Variants in NUBPL observed in about 807,000 individuals in gnomAD.
The protein encoded by NUBPL is NUBP iron-sulfur cluster assembly factor, mitochondrial, also known as iron-sulfur cluster transfer protein NUBPL.
Under a neutral mutation model 45.7 loss-of-function variants are expected in NUBPL, and 31 were observed. The ratio of observed to expected loss-of-function variants is 0.68; its 90% CI spans 0.51 to 0.92. The LOEUF is 0.92. Among genes scored for constraint, NUBPL ranks in the 40% least tolerant of loss-of-function variants. NUBPL has a pLI of 0.00. For synonymous variants in NUBPL, 144 were observed against 140.9 expected (o/e 1.02, Z -0.15); for missense variants, 401 against 398.7 (o/e 1.01, Z -0.05).
Position 31,599,364 on chromosome 14 carries a change from C to T in NUBPL, c.367C>T (p.Pro123Ser). ...AAAGATGATGAATCTGAAAGGAAAT[C>T]CGGAATTATCACAGAGTAAGTAAAG... Reference protein sequence around the residue: ...VPKMMNLKGNPELSQSNLMRP... With the variant: ...VPKMMNLKGNSELSQSNLMRP... Residue 123 changes from proline (P) to serine (S), a missense_variant, in exon 4 of 11, where the codon CCG becomes TCG. By Grantham distance (74) the Pro-to-Ser change is moderately conservative. Coordinates refer to ENST00000281081, the MANE Select transcript of NUBPL (RefSeq NM_025152.3). 2 of 1,609,422 alleles carry T rather than the reference C, an allele frequency of 1.2e-6. No individual in the cohort carries two copies. Among genetic ancestry groups the T allele is most frequent in the Non-Finnish European group, 1.7e-6 (2 of 1,176,290 alleles).
At chr14:31,664,002 A>G (rs546643589) in intron 4 of NUBPL, among the ~76,000 whole-genome samples, 62 of 152,242 alleles carry the variant, frequency 4.1e-4, no homozygotes, top group Middle Eastern at 3.4e-3. Flanking sequence ...TATAGCAATT[A>G]TGAATGGGAG....
intron 4 of NUBPL, among the ~76,000 whole-genome samples, chr14:31,645,231 AATTTTTTGT>A (rs1339148396): frequency 6.6e-6 from 1 of 151,812 alleles, no homozygotes; most frequent in Middle Eastern, 3.2e-3. Context: ...ACACCCGGCT[AATTTTTTGT>A]ATTTTTTAGT....
chr14:31,791,808 C>G (rs1182584849), intron 7 of NUBPL, among the ~76,000 whole-genome samples: 1 of 152,148 alleles, frequency 6.6e-6, no homozygotes, highest in Non-Finnish European at 1.5e-5. Flanking sequence ...TTCAGGATTG[C>G]TCCATACCTT....
At chr14:31,658,926 T>G (rs548535333) in intron 4 of NUBPL, among the ~76,000 whole-genome samples, 1 of 152,276 alleles carries the variant, frequency 6.6e-6, no homozygotes, top group African/African-American at 2.4e-5. Context: ...ATTTAGATGG[T>G]GAGGCAGGAT....
chr14:31,619,422 C>A (rs1427450994), intron 4 of NUBPL, among the ~76,000 whole-genome samples: 2 of 152,168 alleles, frequency 1.3e-5, no homozygotes, highest in Non-Finnish European at 2.9e-5. Flanking sequence ...GTGGCTGTTA[C>A]CAGTGATTCC....
At chr14:31,596,151 C>T (rs2034277901) in intron 3 of NUBPL, among the ~76,000 whole-genome samples, 1 of 151,962 alleles carries the variant, frequency 6.6e-6, no homozygotes, top group African/African-American at 2.4e-5. Flanking sequence ...TGTGATCCGC[C>T]CACTTTGGCC....
At chr14:31,667,615 TGGA>T (rs1181616054) in intron 4 of NUBPL, among the ~76,000 whole-genome samples, 2 of 152,174 alleles carry the variant, frequency 1.3e-5, no homozygotes, top group African/African-American at 4.8e-5. Flanking sequence ...TGTGATTACT[TGGA>T]GGAGAAGAGG....
intron 4 of NUBPL, among the ~76,000 whole-genome samples, chr14:31,654,458 G>C (rs1006829801): frequency 6.6e-6 from 1 of 151,064 alleles, no homozygotes; most frequent in African/African-American, 2.4e-5. Context: ...GCCCAGGCTG[G>C]AGTGCAGTGG....
chr14:31,828,289 A>G (rs187737219), intron 8 of NUBPL, among the ~76,000 whole-genome samples: 131 of 152,354 alleles, frequency 8.6e-4, no homozygotes, highest in African/African-American at 3.0e-3. Flanking sequence ...CCAGATAACT[A>G]AATAAGGTTA....
chr14:31,762,647 A>G (rs1314118688), intron 6 of NUBPL, among the ~76,000 whole-genome samples: 5 of 152,226 alleles, frequency 3.3e-5, no homozygotes, highest in Non-Finnish European at 1.5e-5. Context: ...CTTTGTTGCC[A>G]TAATTGTTTG....
rs142252389 is a variant in NUBPL, at chr14:31,748,396, A to G, written c.514-39384A>G. Among the ~76,000 whole-genome samples the G allele has an allele frequency of 6.5e-3, 994 of 152,182 alleles. 12 individuals are homozygous for G. Among genetic ancestry groups the G allele is most frequent in the African/African-American group, 0.022 (928 of 41,500 alleles). On this transcript the variant is annotated intron_variant, in intron 6 of 10. Coordinates refer to ENST00000281081, the MANE Select transcript of NUBPL (RefSeq NM_025152.3). ...TTGTTTGTTCATTGCTGAGAATTGGATGTTGAAATCCTCAACTGTTATTGT... is the reference window on the plus strand; with the variant it reads ...TTGTTTGTTCATTGCTGAGAATTGGGTGTTGAAATCCTCAACTGTTATTGT...
At chr14:31,748,116 C>G (rs114421061) in intron 6 of NUBPL, among the ~76,000 whole-genome samples, 7,257 of 152,198 alleles carry the variant, frequency 0.048, 219 homozygotes, top group Admixed American at 0.067. Flanking sequence ...TTCCAAAGTT[C>G]CTCTTGGTAT....
At chr14:31,587,507 A>C (rs945056540) in intron 3 of NUBPL, among the ~76,000 whole-genome samples, 2 of 152,222 alleles carry the variant, frequency 1.3e-5, no homozygotes, top group Non-Finnish European at 2.9e-5. Flanking sequence ...AAGTATGTGC[A>C]TTTGATTTAG....
At chr14:31,725,349 A>G (rs956485003) in intron 6 of NUBPL, among the ~76,000 whole-genome samples, 1 of 152,176 alleles carries the variant, frequency 6.6e-6, no homozygotes, top group Non-Finnish European at 1.5e-5. Flanking sequence ...CCATTACTTC[A>G]TGGGATTGTT....
rs1566474033 is a variant in NUBPL, at chr14:31,647,049, G to C, written c.383-26306G>C. On this transcript the variant is annotated intron_variant, in intron 4 of 10. Coordinates refer to ENST00000281081, the MANE Select transcript of NUBPL (RefSeq NM_025152.3). ...TTTCTCAGTTTCAAAATTTCTGCTT[G>C]ATTTATTTTTAATATTTCAGTCTCT... Among the ~76,000 whole-genome samples the C allele has an allele frequency of 5.3e-5, 8 of 152,030 alleles. No homozygotes were observed. The South Asian group carries it at 1.7e-3, about 32-fold the overall frequency.
chr14:31,739,712 G>A (rs2038242698), intron 6 of NUBPL, among the ~76,000 whole-genome samples: 1 of 152,058 alleles, frequency 6.6e-6, no homozygotes, highest in South Asian at 2.1e-4. Context: ...TCTTGGTGCT[G>A]TACATTTTAT....
At chr14:31,821,030 G>C (rs1443965323) in intron 7 of NUBPL, among the ~76,000 whole-genome samples, 1 of 151,300 alleles carries the variant, frequency 6.6e-6, no homozygotes, top group Non-Finnish European at 1.5e-5. Flanking sequence ...GGCTGAGACA[G>C]AAGAATTGCT....
At chr14:31,661,327 T>C (rs1027932991) in intron 4 of NUBPL, among the ~76,000 whole-genome samples, 5 of 152,254 alleles carry the variant, frequency 3.3e-5, no homozygotes, top group African/African-American at 1.2e-4. Flanking sequence ...CACAGGGCAG[T>C]GGATTCCAAA....
chr14:31,616,631 A>G (rs559809330), intron 4 of NUBPL, among the ~76,000 whole-genome samples: 2 of 151,968 alleles, frequency 1.3e-5, no homozygotes, highest in Non-Finnish European at 2.9e-5. Flanking sequence ...AGTGGTGTAT[A>G]TATCTGTTTT....
Sources: gnomAD v4.1 joint callset for allele counts (sites outside exome capture counted in the v4.1 genomes callset) on GRCh38, gnomAD v4.1.1 for gene constraint, MANE v1.5 for transcripts, NCBI Gene and HGNC (gene_info 2026-07-23, HGNC 2026-07-21) for gene names.